The following MEF2A variants were observed in gnomAD, a reference collection of about 807,000 sequenced individuals.
MEF2A encodes the protein myocyte enhancer factor 2A, also known as myocyte-specific enhancer factor 2A.
In MEF2A, 28 loss-of-function variants were observed where a neutral mutation model predicts 55.8. That is an observed-to-expected ratio of 0.50 (90% CI 0.37 to 0.69). The LOEUF is 0.69. MEF2A is among the 30% of genes least tolerant of loss of function. The pLI is 0.00. For synonymous variants in MEF2A, 239 were observed against 227.1 expected, an observed-to-expected ratio of 1.05 and a Z score of -0.47; for missense variants, 528 against 626.2, an observed-to-expected ratio of 0.84 and a Z score of 1.67.
intron 1 of MEF2A, among the ~76,000 whole-genome samples, chr15:99,584,511 G>A (rs1035322971): frequency 6.6e-6 from 1 of 152,188 alleles, no homozygotes; most frequent in African/African-American, 2.4e-5. Context: ...AAAAAGGAAT[G>A]AAGTGTAGAT....
intron 1 of MEF2A, among the ~76,000 whole-genome samples, chr15:99,572,222 G>A (rs2570824): frequency 6.6e-6 from 1 of 151,892 alleles, no homozygotes; most frequent in African/African-American, 2.4e-5. Context: ...AGCCACGAAG[G>A]CCTCTCAGTG....
Position 99,566,113 on chromosome 15 carries a change from C to A in MEF2A, c.-225+9C>A, listed in dbSNP as rs1207997036. 1 of 150,036 alleles carries A rather than the reference C, an allele frequency of 6.7e-6. No individual in the cohort carries two copies. Among genetic ancestry groups the A allele is most frequent in the Non-Finnish European group, 1.5e-5 (1 of 67,862 alleles). 9.3% of individuals were successfully genotyped at this position (150,036 alleles called of 1,614,324 possible). On this transcript the variant is annotated intron_variant, in intron 1 of 11. Transcript: ENST00000557942. ...GCTGCTCCGGAGATACGGTGAGGGC[C>A]GCGGGCAGCGGGGCTCAGTCCGCGA...
intron 10 of MEF2A, among the ~76,000 whole-genome samples, chr15:99,710,275 G>C (rs1355167545): frequency 6.6e-6 from 1 of 152,108 alleles, no homozygotes; most frequent in Non-Finnish European, 1.5e-5. Flanking sequence ...GAGGAAGTCT[G>C]TTGCCCAGGC....
At chr15:99,707,832 C>G (rs1200918731) in intron 10 of MEF2A, among the ~76,000 whole-genome samples, 2 of 152,152 alleles carry the variant, frequency 1.3e-5, no homozygotes, top group African/African-American at 4.8e-5. Flanking sequence ...AACTTTGAAA[C>G]TGCTGTCCGC....
chr15:99,612,688 G>C (rs1275551879), intron 2 of MEF2A, among the ~76,000 whole-genome samples: 2 of 152,110 alleles, frequency 1.3e-5, no homozygotes, highest in Non-Finnish European at 2.9e-5. Flanking sequence ...CTGGGTAACT[G>C]AGTGGAAACC....
At chr15:99,708,835 T>C (rs1335654408) in intron 10 of MEF2A, among the ~76,000 whole-genome samples, 1 of 152,068 alleles carries the variant, frequency 6.6e-6, no homozygotes, top group Non-Finnish European at 1.5e-5. Flanking sequence ...CAGAGTGCTC[T>C]TGGGAGAGGG....
intron 10 of MEF2A, among the ~76,000 whole-genome samples, chr15:99,707,856 G>A (rs1451345720): frequency 6.6e-6 from 1 of 152,100 alleles, no homozygotes; most frequent in Non-Finnish European, 1.5e-5. Context: ...TACGTGAGGG[G>A]ACAGAGCGTT....
At chr15:99,666,578 TATAATAATAATAATA>T (rs55855939) in intron 4 of MEF2A, among the ~76,000 whole-genome samples, 1 of 141,270 alleles carries the variant, frequency 7.1e-6, no homozygotes, top group African/African-American at 2.6e-5. Context: ...GAACTTAAAG[TATAATAATAATAATA>T]ATAATAATAA....
chr15:99,685,940 G>A (rs1056134228), intron 7 of MEF2A, among the ~76,000 whole-genome samples: 2 of 152,120 alleles, frequency 1.3e-5, no homozygotes. Flanking sequence ...ATCTGGTCTT[G>A]GACTTTTTTT....
At chr15:99,647,705 TG>T (rs1421951587) in intron 4 of MEF2A, among the ~76,000 whole-genome samples, 1 of 152,200 alleles carries the variant, frequency 6.6e-6, no homozygotes, top group Non-Finnish European at 1.5e-5. Flanking sequence ...AATTACATAT[TG>T]GGATTTTGAT....
intron 2 of MEF2A, among the ~76,000 whole-genome samples, 171 bp downstream of exon 2, chr15:99,598,682 A>G (rs745356568): frequency 9.2e-5 from 14 of 152,252 alleles, no homozygotes; most frequent in Non-Finnish European, 1.3e-4. Context: ...TGAAATGCGT[A>G]ATATTGTGTA....
chr15:99,587,220 A>G (rs760700645), intron 1 of MEF2A, among the ~76,000 whole-genome samples: 1 of 151,614 alleles, frequency 6.6e-6, no homozygotes, highest in South Asian at 2.1e-4. Context: ...CCCCCACCCC[A>G]TGACAGGCCC....
intron 2 of MEF2A, among the ~76,000 whole-genome samples, chr15:99,626,265 G>C (rs1056963802): frequency 2.0e-5 from 3 of 152,030 alleles, no homozygotes; most frequent in Non-Finnish European, 2.9e-5. Context: ...CTGTTTATAA[G>C]TACCCTCTTA....
chr15:99,690,590 A>G (rs1402343504), intron 8 of MEF2A, 162 bp downstream of exon 8: 4 of 755,456 alleles, frequency 5.3e-6, no homozygotes, highest in African/African-American at 3.4e-5. Flanking sequence ...AGTCTATTTC[A>G]AATACACAAA....
intron 2 of MEF2A, among the ~76,000 whole-genome samples, chr15:99,600,179 A>C (rs942195867): frequency 6.6e-6 from 1 of 152,190 alleles, no homozygotes; most frequent in African/African-American, 2.4e-5. Flanking sequence ...TCTGAACCTC[A>C]GTGATGGCTG....
chr15:99,673,091 A>G (rs2051197122), intron 5 of MEF2A, among the ~76,000 whole-genome samples: 1 of 152,172 alleles, frequency 6.6e-6, no homozygotes, highest in Non-Finnish European at 1.5e-5. Flanking sequence ...GAGACACTGA[A>G]TAAACTGTGT....
In MEF2A at chr15:99,709,483, G is replaced by A. The variant is rs557967923; in HGVS notation, c.1010-1151G>A. 5.3e-5 allele frequency among the ~76,000 whole-genome samples: 8 copies of A among 152,310 alleles called. No individual in the cohort carries two copies. The South Asian group carries it at 1.4e-3, about 28-fold the overall frequency. Reference sequence around the variant, plus strand: ...GCACTGGGGAAGGCGTCAGTGTGACGGGTCCTTGCCCCAGCCCATGGGAGT... The same window carrying A: ...GCACTGGGGAAGGCGTCAGTGTGACAGGTCCTTGCCCCAGCCCATGGGAGT... On this transcript the variant is annotated intron_variant, in intron 10 of 11. Coordinates refer to ENST00000557942, the MANE Select transcript of MEF2A (RefSeq NM_001319206.4).
At chr15:99,602,445 G>A (rs556013644) in intron 2 of MEF2A, among the ~76,000 whole-genome samples, 1 of 152,138 alleles carries the variant, frequency 6.6e-6, no homozygotes, top group Admixed American at 6.5e-5. Flanking sequence ...CCAGTTAAAC[G>A]CTACCATTTT....
intron 4 of MEF2A, among the ~76,000 whole-genome samples, chr15:99,656,995 A>G (rs1050940902): frequency 1.3e-5 from 2 of 152,002 alleles, no homozygotes; most frequent in Non-Finnish European, 2.9e-5. Context: ...GCAACCACTA[A>G]TGTACTTTCT....
Sources: allele counts gnomAD v4.1 joint callset (sites outside exome capture counted in the v4.1 genomes callset), GRCh38; gene constraint gnomAD v4.1.1; transcripts MANE v1.5; gene names NCBI Gene and HGNC (gene_info 2026-07-23, HGNC 2026-07-21).